Variants in YPEL2 observed in about 807,000 individuals in gnomAD.
The protein encoded by YPEL2 is protein yippee-like 2.
YPEL2 carries 2 observed loss-of-function variants against 19.1 expected under a neutral mutation model. The observed-to-expected ratio is 0.10, with a 90% CI of 0.04 to 0.33. The LOEUF is 0.33. Ranked by LOEUF, YPEL2 falls within the 10% of genes least tolerant of loss-of-function variation. The probability of loss-of-function intolerance (pLI) is 1.00; values close to 1 mark genes in which losing one functional copy is unlikely to be tolerated. For synonymous variants in YPEL2, 52 were observed against 50.0 expected (o/e 1.04, Z -0.17); for missense variants, 66 against 140.7 (o/e 0.47, Z 2.68).
At chr17:59,352,758 T>G (rs2047793764) in intron 1 of YPEL2, among the ~76,000 whole-genome samples, 2 of 152,172 alleles carry the variant, frequency 1.3e-5, no homozygotes, top group South Asian at 4.1e-4. Context: ...GTTGGACTCT[T>G]GACATCTGGA....
At chr17:59,360,082 T>C (rs2047832963) in intron 2 of YPEL2, among the ~76,000 whole-genome samples, 1 of 152,140 alleles carries the variant, frequency 6.6e-6, no homozygotes, top group South Asian at 2.1e-4. Context: ...AAATTTTATT[T>C]ATTTATTTTT....
intron 2 of YPEL2, among the ~76,000 whole-genome samples, chr17:59,376,992 A>G (rs2047925308): frequency 6.6e-6 from 1 of 151,488 alleles, no homozygotes; most frequent in South Asian, 2.1e-4. Flanking sequence ...AAAAGGAAAG[A>G]AAGAAAATAT....
intron 1 of YPEL2, among the ~76,000 whole-genome samples, chr17:59,340,421 A>AT (rs915335264): frequency 0.031 from 3,334 of 108,068 alleles, 133 homozygotes; most frequent in African/African-American, 0.1. Context: ...AACTTTATTT[A>AT]TTTTTTTTTT....
At chr17:59,359,098 A>G (rs923875966) in intron 2 of YPEL2, among the ~76,000 whole-genome samples, 3 of 148,904 alleles carry the variant, frequency 2.0e-5, no homozygotes, top group Admixed American at 6.7e-5. Flanking sequence ...TAATTTTTGT[A>G]TTTTTAGTAG....
intron 2 of YPEL2, among the ~76,000 whole-genome samples, chr17:59,361,290 G>C (rs575320445): frequency 6.6e-6 from 1 of 152,164 alleles, no homozygotes; most frequent in East Asian, 1.9e-4. Context: ...TACTAATTAC[G>C]TACTCTGTGT....
intron 1 of YPEL2, among the ~76,000 whole-genome samples, chr17:59,337,717 C>A (rs1001237710): frequency 4.6e-5 from 7 of 151,906 alleles, no homozygotes; most frequent in African/African-American, 1.7e-4. Context: ...CTAGTGTTAA[C>A]CTTGTAATTT....
At chr17:59,342,624 T>C (rs1176784122) in intron 1 of YPEL2, among the ~76,000 whole-genome samples, 1 of 152,114 alleles carries the variant, frequency 6.6e-6, no homozygotes, top group East Asian at 1.9e-4. Flanking sequence ...TGTTTTGTTT[T>C]AACCAGGATT....
chr17:59,396,848 T>A (rs1460241486), intron 4 of YPEL2, among the ~76,000 whole-genome samples: 1 of 152,090 alleles, frequency 6.6e-6, no homozygotes, highest in African/African-American at 2.4e-5. Flanking sequence ...CTGTCCAACA[T>A]GGTGAAACCC....
chr17:59,385,630 T>A (rs1172521136), intron 2 of YPEL2, among the ~76,000 whole-genome samples: 1 of 152,122 alleles, frequency 6.6e-6, no homozygotes, highest in Non-Finnish European at 1.5e-5. Flanking sequence ...TGTAATCGCC[T>A]ATGGATCTAT....
intron 1 of YPEL2, among the ~76,000 whole-genome samples, chr17:59,344,060 A>G (rs1407239760): frequency 1.3e-5 from 2 of 152,150 alleles, no homozygotes; most frequent in African/African-American, 4.8e-5. Flanking sequence ...GGAAGCAGGA[A>G]CAGAATTGGA....
chr17:59,384,680 T>C (rs887496276), intron 2 of YPEL2, among the ~76,000 whole-genome samples: 2 of 152,208 alleles, frequency 1.3e-5, no homozygotes, highest in African/African-American at 4.8e-5. Context: ...TAAAATGAGC[T>C]AGTATTTTCT....
At chr17:59,361,171 C>G (rs919025364) in intron 2 of YPEL2, among the ~76,000 whole-genome samples, 3 of 152,122 alleles carry the variant, frequency 2.0e-5, no homozygotes, top group African/African-American at 7.2e-5. Flanking sequence ...ACAGTGGGAC[C>G]ATTTTAACTA....
intron 1 of YPEL2, among the ~76,000 whole-genome samples, chr17:59,349,362 T>TC (rs1555569667): frequency 3.5e-5 from 5 of 142,848 alleles, no homozygotes; most frequent in African/African-American, 7.8e-5. Context: ...TTTTTTCTTT[T>TC]TTTTTTTTTT....
intron 2 of YPEL2, among the ~76,000 whole-genome samples, chr17:59,361,325 CACT>C (rs1338081925): frequency 1.3e-5 from 2 of 152,280 alleles, no homozygotes; most frequent in African/African-American, 4.8e-5. Context: ...ATGCACATAG[CACT>C]ATTCTAGATA....
rs562662080 is a variant in YPEL2 at position 59,370,506 on chromosome 17, T to A, written c.117+16980T>A. Among the ~76,000 whole-genome samples the A allele has an allele frequency of 3.4e-4, 52 of 152,346 alleles. 1 individual carries two copies. Among genetic ancestry groups the A allele is most frequent in the African/African-American group, 1.2e-3 (51 of 41,570 alleles). ...GGCTAGAATGTAAATTCAGGCCTGA[T>A]CTCAGGGTCTACCATTAAGTGCTGT... On this transcript the variant is annotated intron_variant, in intron 2 of 4. Coordinates refer to ENST00000312655, the MANE Select transcript of YPEL2 (RefSeq NM_001005404.4).
At chr17:59,345,319 G>A (rs1018256002) in intron 1 of YPEL2, 3 of 152,168 alleles carry the variant, frequency 2.0e-5, no homozygotes, top group Admixed American at 1.3e-4. Flanking sequence ...ATGAAGGAGC[G>A]TGGTTTCTTG....
At chr17:59,351,357 A>T (rs1308589783) in intron 1 of YPEL2, among the ~76,000 whole-genome samples, 1 of 152,150 alleles carries the variant, frequency 6.6e-6, no homozygotes, top group Admixed American at 6.6e-5. Context: ...CCTGGAAGAC[A>T]GAGTGTGAGA....
At chr17:59,380,009 C>T (rs904672612) in intron 2 of YPEL2, among the ~76,000 whole-genome samples, 2 of 151,838 alleles carry the variant, frequency 1.3e-5, no homozygotes, top group African/African-American at 4.8e-5. Context: ...TACAGGCATG[C>T]ATCACCACGC....
intron 4 of YPEL2, among the ~76,000 whole-genome samples, chr17:59,395,855 G>A (rs56035739): frequency 0.023 from 3,487 of 152,210 alleles, 67 homozygotes; most frequent in Non-Finnish European, 0.037. Context: ...TAGGCGGGTG[G>A]ATCACGAGGT....
Sources: gnomAD v4.1 joint callset for allele counts (sites outside exome capture counted in the v4.1 genomes callset) on GRCh38, gnomAD v4.1.1 for gene constraint, MANE v1.5 for transcripts, NCBI Gene and HGNC (gene_info 2026-07-23, HGNC 2026-07-21) for gene names.